PRLR: variants seen among roughly 807,000 people sequenced by gnomAD.
PRLR encodes prolactin receptor, also known as hPRL receptor.
In PRLR, 13 loss-of-function variants were observed where a neutral mutation model predicts 40.2. The ratio of observed to expected loss-of-function variants is 0.32; its 90% confidence interval spans 0.21 to 0.51. The LOEUF (loss-of-function observed/expected upper bound fraction) is 0.51, where lower values mean the gene tolerates loss of function less well. PRLR is among the 20% of genes least tolerant of loss of function. PRLR has a pLI of 0.97. For missense variants in PRLR, 656 were observed against 747.3 expected (o/e 0.88, Z 1.42); for synonymous variants, 269 against 278.7 (o/e 0.97, Z 0.35).
chr5:35,093,239 T>C (rs757614281), intron 2 of PRLR, among the ~76,000 whole-genome samples: 3 of 152,138 alleles, frequency 2.0e-5, no homozygotes, highest in Non-Finnish European at 4.4e-5. Context: ...AGGAAGGGAA[T>C]AACATAGGAG....
intron 2 of PRLR, among the ~76,000 whole-genome samples, chr5:35,091,296 G>T (rs1001709196): frequency 6.6e-6 from 1 of 152,050 alleles, no homozygotes; most frequent in Non-Finnish European, 1.5e-5. Flanking sequence ...ACCCCTGAGG[G>T]TCATCTAATT....
rs753349453 is a variant in PRLR at position 35,072,784 on chromosome 5, G to T, written c.374-40C>A. 8 of 1,593,912 alleles carry T rather than the reference G, an allele frequency of 5.0e-6. 1 individual carries two copies. Among genetic ancestry groups the T allele is most frequent in the East Asian group, 2.2e-5 (1 of 44,746 alleles). On this transcript the variant is annotated intron_variant, in intron 5 of 9. Transcript: ENST00000618457. ...CAAATGCCAGTAGCACTCATTGCTT[G>T]CACCTTTTCTTTGGCTTTACCATTT...
intron 1 of PRLR, among the ~76,000 whole-genome samples, chr5:35,132,137 A>T (rs1342621498): frequency 6.6e-6 from 1 of 152,154 alleles, no homozygotes; most frequent in Non-Finnish European, 1.5e-5. Context: ...TTTCTATTTT[A>T]TTCAGGGGTA....
Position 35,063,417 on chromosome 5 carries a change from G to A in PRLR, c.*1672C>T, listed in dbSNP as rs1002728988. On this transcript the variant is annotated 3_prime_UTR_variant, in exon 10 of 10. Transcript: ENST00000618457. ...TAGAATGGATTTACCATCAAGTGAAGGGAAAAATAGAGAGGGGCTGCTAGA... is the reference window on the plus strand; with the variant it reads ...TAGAATGGATTTACCATCAAGTGAAAGGAAAAATAGAGAGGGGCTGCTAGA... 21 of 152,222 alleles carry A rather than the reference G, an allele frequency of 1.4e-4. No homozygotes were observed. The highest frequency in any genetic ancestry group is 4.8e-4 in the African/African-American group (20 of 41,544). The allele number at this position is 152,222 out of a possible 1,614,324, so 9.4% of individuals were successfully genotyped here.
intron 6 of PRLR, among the ~76,000 whole-genome samples, chr5:35,070,756 T>G (rs1769695025): frequency 6.8e-6 from 1 of 146,238 alleles, no homozygotes; most frequent in Non-Finnish European, 1.5e-5. Context: ...GGAAGGAGAA[T>G]CGCTTGAACC....
chr5:35,053,151 CA>C (rs1207220053), downstream of PRLR, among the ~76,000 whole-genome samples: 4 of 152,050 alleles, frequency 2.6e-5, no homozygotes, highest in African/African-American at 7.2e-5. Flanking sequence ...AAAGGATGCC[CA>C]TAACACGTTT....
intron 2 of PRLR, among the ~76,000 whole-genome samples, chr5:35,092,244 G>A (rs997723918): frequency 6.6e-6 from 1 of 152,112 alleles, no homozygotes; most frequent in African/African-American, 2.4e-5. Flanking sequence ...TTACTATTAT[G>A]CACTTTCTAA....
chr5:35,054,321 A>G (rs76245755), downstream of PRLR, among the ~76,000 whole-genome samples: 729 of 152,336 alleles, frequency 4.8e-3, 8 homozygotes, highest in African/African-American at 0.017. Context: ...TATATTTTGG[A>G]GAAACTTTTG....
At chr5:35,162,650 T>G (rs1267403913) in intron 1 of PRLR, among the ~76,000 whole-genome samples, 1 of 152,190 alleles carries the variant, frequency 6.6e-6, no homozygotes. Flanking sequence ...ATCTCAGAGA[T>G]AAGCTGGTCC....
At chr5:35,121,820 C>A (rs1773302366) in intron 1 of PRLR, among the ~76,000 whole-genome samples, 1 of 152,174 alleles carries the variant, frequency 6.6e-6, no homozygotes, top group South Asian at 2.1e-4. Flanking sequence ...AAAGGCTGTG[C>A]TCCAACCACA....
chr5:35,057,190 C>T lies in PRLR; in HGVS notation c.*7899G>A, dbSNP rs546134117. The T allele has an allele frequency of 6.6e-6, 1 of 152,054 alleles. No individual in the cohort carries two copies. The highest frequency in any genetic ancestry group is 2.1e-4 in the South Asian group (1 of 4,822). The allele number at this position is 152,054 out of a possible 1,614,324, so 9.4% of individuals were successfully genotyped here. On this transcript the variant is annotated 3_prime_UTR_variant, in exon 10 of 10. Transcript: ENST00000618457. ...TCCATCTCCCCTCATTTTTCTCAGC[C>T]TCCCATGTTATAGGGATGAGGTAAA...
At chr5:35,151,382 T>C (rs1045774731) in intron 1 of PRLR, among the ~76,000 whole-genome samples, 1 of 152,134 alleles carries the variant, frequency 6.6e-6, no homozygotes, top group Non-Finnish European at 1.5e-5. Flanking sequence ...ACAGCAGACT[T>C]TGAGCAAGAA....
chr5:35,219,448 T>G (rs1001927580), intron 1 of PRLR, among the ~76,000 whole-genome samples: 2 of 152,178 alleles, frequency 1.3e-5, no homozygotes, highest in Non-Finnish European at 1.5e-5. Flanking sequence ...CTAAATGAGT[T>G]AAAACATGAA....
chr5:35,056,840 A>AGAAAGAAATTTCTCATTC lies in PRLR; in HGVS notation c.*8231_*8248dup, dbSNP rs958141165. On this transcript the variant is annotated 3_prime_UTR_variant, in exon 10 of 10. Transcript: ENST00000618457. ...TTTTTTAGAGCATGATACTCAAGTAAGAAAGAAATTTCTCATTCTTCTGTA... is the reference window on the plus strand; with the variant it reads ...TTTTTTAGAGCATGATACTCAAGTAAGAAAGAAATTTCTCATTCGAAAGAAATTTCTCATTCTTCTGTA... The AGAAAGAAATTTCTCATTC allele has an allele frequency of 6.6e-6, 1 of 152,188 alleles. No homozygotes were observed. Among genetic ancestry groups the AGAAAGAAATTTCTCATTC allele is most frequent in the Admixed American group, 6.6e-5 (1 of 15,264 alleles). 9.4% of individuals were successfully genotyped at this position (152,188 alleles called of 1,614,324 possible).
At chr5:35,092,228 A>C (rs1579627335) in intron 2 of PRLR, among the ~76,000 whole-genome samples, 1 of 152,322 alleles carries the variant, frequency 6.6e-6, no homozygotes, top group East Asian at 1.9e-4. Flanking sequence ...ACATCCTGGA[A>C]TCTAGTTACT....
At chr5:35,125,816 G>A (rs114394239) in intron 1 of PRLR, among the ~76,000 whole-genome samples, 2,785 of 152,294 alleles carry the variant, frequency 0.018, 37 homozygotes, top group Non-Finnish European at 0.026. Context: ...TAATCAGGAA[G>A]ACTGTTGAGA....
intron 1 of PRLR, among the ~76,000 whole-genome samples, chr5:35,204,824 T>C (rs866983986): frequency 1.3e-5 from 2 of 152,246 alleles, no homozygotes; most frequent in Middle Eastern, 6.8e-3. Context: ...TGATACAACA[T>C]GGGGTCTCAA....
intron 5 of PRLR, among the ~76,000 whole-genome samples, chr5:35,077,825 G>A (rs1294175648): frequency 6.6e-6 from 1 of 152,142 alleles, no homozygotes; most frequent in Non-Finnish European, 1.5e-5. Context: ...CTCAGCAAAT[G>A]TAAAAGGACA....
chr5:35,229,211 A>G (rs1045164091), intron 1 of PRLR, among the ~76,000 whole-genome samples: 2 of 151,572 alleles, frequency 1.3e-5, no homozygotes, highest in Non-Finnish European at 2.9e-5. Context: ...ATCTTGCCCA[A>G]GTTTGCACAG....
Sources: gnomAD v4.1 joint callset for allele counts (sites outside exome capture counted in the v4.1 genomes callset) on GRCh38, gnomAD v4.1.1 for gene constraint, MANE v1.5 for transcripts, NCBI Gene and HGNC (gene_info 2026-07-23, HGNC 2026-07-21) for gene names.